The following MFSD6 variants were observed in gnomAD, a reference collection of about 807,000 sequenced individuals.
MFSD6 encodes the protein major facilitator superfamily domain-containing protein 6.
In MFSD6, 26 loss-of-function variants were observed where a neutral mutation model predicts 56.3. The observed-to-expected ratio is 0.46, with a 90% CI of 0.34 to 0.64. MFSD6 has a LOEUF of 0.64. Among genes scored for constraint, MFSD6 ranks in the 30% least tolerant of loss-of-function variants. The pLI, the probability that MFSD6 is intolerant of heterozygous loss-of-function variation, is 0.01. For missense variants in MFSD6, 750 were observed against 986.2 expected (o/e 0.76, Z 3.21); for synonymous variants, 331 against 366.9 (o/e 0.90, Z 1.12).
In MFSD6 at chr2:190,469,250, G is replaced by A. The variant is rs1057329597; in HGVS notation, c.1533-508G>A. Among the ~76,000 whole-genome samples the A allele has an allele frequency of 6.6e-6, 1 of 152,070 alleles. No homozygotes were observed. The highest frequency in any genetic ancestry group is 6.6e-5 in the Admixed American group (1 of 15,264). On this transcript the variant is annotated intron_variant, in intron 3 of 7. Coordinates refer to ENST00000392328, the MANE Select transcript of MFSD6 (RefSeq NM_017694.4). This position sits in a 1 kb window ranked among gnomAD's most constrained non-coding sequence, Gnocchi z 5.3. ...GAATGATAGTTTTCAATGACCTTCA[G>A]AGTCTCCTTGTGAAACTGCTTGGTA...
In MFSD6 at chr2:190,494,968, C is replaced by A. The variant is rs1282160644; in HGVS notation, c.1892-2471C>A. Among the ~76,000 whole-genome samples the A allele has an allele frequency of 6.6e-6, 1 of 152,172 alleles. No individual in the cohort carries two copies. Among genetic ancestry groups the A allele is most frequent in the African/African-American group, 2.4e-5 (1 of 41,446 alleles). ...ACAAGGATGCCCACTCTCACCACTT[C>A]TATTCAACATAGTACTGGAAGTCCT... On this transcript the variant is annotated intron_variant, in intron 6 of 7. Coordinates refer to ENST00000392328, the MANE Select transcript of MFSD6 (RefSeq NM_017694.4). This position sits in a 1 kb window ranked among gnomAD's most constrained non-coding sequence, Gnocchi z 5.7.
In MFSD6 at chr2:190,434,273, G is replaced by A. The variant is rs1290158720; in HGVS notation, c.-53-1704G>A. Among the ~76,000 whole-genome samples, 1 of 151,826 alleles carries A rather than the reference G, an allele frequency of 6.6e-6. No individual in the cohort carries two copies. The highest frequency in any genetic ancestry group is 2.4e-5 in the African/African-American group (1 of 41,322). Reference sequence around the variant, plus strand: ...TTCCTACCATCAGAATCTGTTCATTGGAACAACATAATTCTTGATGCACAC... The same window carrying A: ...TTCCTACCATCAGAATCTGTTCATTAGAACAACATAATTCTTGATGCACAC... On this transcript the variant is annotated intron_variant, in intron 2 of 7. Coordinates refer to ENST00000392328, the MANE Select transcript of MFSD6 (RefSeq NM_017694.4). This position sits in a 1 kb window ranked among gnomAD's most constrained non-coding sequence, Gnocchi z 4.3.
intron 2 of MFSD6, among the ~76,000 whole-genome samples, chr2:190,429,489 C>G (rs1685894186): frequency 6.6e-6 from 1 of 151,942 alleles, no homozygotes; most frequent in Non-Finnish European, 1.5e-5. Flanking sequence ...CCATGCCCAG[C>G]TAATTTTTGT....
chr2:190,479,499 T>G (rs747567558), intron 4 of MFSD6, among the ~76,000 whole-genome samples: 2 of 152,204 alleles, frequency 1.3e-5, no homozygotes, highest in Non-Finnish European at 2.9e-5. Context: ...AATTTTCTCC[T>G]TTTGTTTTGT....
At chr2:190,483,404 C>G (rs1389150507) in intron 4 of MFSD6, among the ~76,000 whole-genome samples, 5 of 152,142 alleles carry the variant, frequency 3.3e-5, no homozygotes, top group South Asian at 2.1e-4. Context: ...CTGGACAAGG[C>G]ATCTAATATC....
In MFSD6 at chr2:190,491,514, G is replaced by A. The variant is rs1455710858; in HGVS notation, c.1891+1648G>A. Among the ~76,000 whole-genome samples, 3 of 152,172 alleles carry A rather than the reference G, an allele frequency of 2.0e-5. No individual in the cohort carries two copies. The highest frequency in any genetic ancestry group is 7.2e-5 in the African/African-American group (3 of 41,440). On this transcript the variant is annotated intron_variant, in intron 6 of 7. Transcript: ENST00000392328. The surrounding 1 kb of genome is among the most constrained non-coding windows in gnomAD (Gnocchi z 4.2). Reference sequence around the variant, plus strand: ...ATGCAGACAACCCCAGTACCAGCCTGGAGCCTGGTAGCCCTGCTGGGTGGG... The same window carrying A: ...ATGCAGACAACCCCAGTACCAGCCTAGAGCCTGGTAGCCCTGCTGGGTGGG...
chr2:190,446,762 T>TC (rs1686599864), intron 3 of MFSD6, among the ~76,000 whole-genome samples: 1 of 152,194 alleles, frequency 6.6e-6, no homozygotes, highest in African/African-American at 2.4e-5. Flanking sequence ...CTGGTGGGAA[T>TC]ACAAGAGATG....
Position 190,489,966 on chromosome 2 carries a change from G to T in MFSD6, c.1891+100G>T. 3.1e-6 allele frequency: 3 copies of T among 964,294 alleles called. No individual in the cohort carries two copies. Among genetic ancestry groups the T allele is most frequent in the South Asian group, 1.9e-5 (1 of 53,516 alleles). 59.7% of individuals were successfully genotyped at this position (964,294 alleles called of 1,614,324 possible). ...TAGAAGTGGTACAGAGTATACAACAGGTCTGTTTGGCTCAATTTTCTGAGT... is the reference window on the plus strand; with the variant it reads ...TAGAAGTGGTACAGAGTATACAACATGTCTGTTTGGCTCAATTTTCTGAGT... On this transcript the variant is annotated intron_variant, in intron 6 of 7. Transcript: ENST00000392328. This position sits in a 1 kb window ranked among gnomAD's most constrained non-coding sequence, Gnocchi z 6.6.
At chr2:190,486,111 G>C (rs1334699556) in intron 4 of MFSD6, among the ~76,000 whole-genome samples, 1 of 152,232 alleles carries the variant, frequency 6.6e-6, no homozygotes, top group East Asian at 1.9e-4. Context: ...TTGCTTTTAA[G>C]ATTATGTAGA....
rs919739276 is a variant in MFSD6, at chr2:190,501,154, T to G, written c.*936T>G. The G allele has an allele frequency of 2.0e-5, 3 of 152,222 alleles. No homozygotes were observed. The highest frequency in any genetic ancestry group is 7.2e-5 in the African/African-American group (3 of 41,458). 9.4% of individuals were successfully genotyped at this position (152,222 alleles called of 1,614,324 possible). On this transcript the variant is annotated 3_prime_UTR_variant, in exon 8 of 8. Transcript: ENST00000392328. ...AGTTCCTTAAATAAGCAGTACTAGT[T>G]ACAAATCACAGTATAAGATTTAAGT...
intron 4 of MFSD6, among the ~76,000 whole-genome samples, chr2:190,474,968 C>A (rs1286690444): frequency 1.3e-5 from 2 of 152,230 alleles, no homozygotes; most frequent in Non-Finnish European, 2.9e-5. Flanking sequence ...ACAAAAATCA[C>A]ATGATTATCT....
chr2:190,471,474 C>G lies in MFSD6; in HGVS notation c.1630+1619C>G, dbSNP rs575442040. Among the ~76,000 whole-genome samples the G allele has an allele frequency of 5.9e-5, 9 of 152,326 alleles. No homozygotes were observed. Among genetic ancestry groups the G allele is most frequent in the Non-Finnish European group, 1.3e-4 (9 of 68,036 alleles). On this transcript the variant is annotated intron_variant, in intron 4 of 7. Coordinates refer to ENST00000392328, the MANE Select transcript of MFSD6 (RefSeq NM_017694.4). This position sits in a 1 kb window ranked among gnomAD's most constrained non-coding sequence, Gnocchi z 4.7. ...CACCTGGCTTGGAGGGTCCTACGCC[C>G]ACGGAGCCTCCCTCATTGCTAGCAC...
rs1689236271 is a variant in MFSD6, at chr2:190,489,929, C to CA, written c.1891+63_1891+64insA. The CA allele has an allele frequency of 1.2e-5, 16 of 1,331,822 alleles. No homozygotes were observed. Among genetic ancestry groups the CA allele is most frequent in the African/African-American group, 4.1e-5 (2 of 48,658 alleles). 82.5% of individuals were successfully genotyped at this position (1,331,822 alleles called of 1,614,324 possible). ...TCAGGCCATGGGAAGTCAACAAATG[C>CA]CCCGAGAAGCCTAGAAGTGGTACAG... On this transcript the variant is annotated intron_variant, in intron 6 of 7. Transcript: ENST00000392328. This position sits in a 1 kb window ranked among gnomAD's most constrained non-coding sequence, Gnocchi z 6.6.
intron 2 of MFSD6, among the ~76,000 whole-genome samples, chr2:190,421,604 G>A (rs1190455467): frequency 2.0e-5 from 3 of 151,978 alleles, no homozygotes; most frequent in Non-Finnish European, 4.4e-5. Flanking sequence ...ATTTATTTGA[G>A]ACAGTTCTCA....
chr2:190,414,727 A>G (rs1346466458), intron 1 of MFSD6, among the ~76,000 whole-genome samples: 4 of 152,230 alleles, frequency 2.6e-5, no homozygotes, highest in Admixed American at 1.3e-4. Flanking sequence ...CTTTTTAAAT[A>G]TGTATTTTTA....
rs1405943841 is a variant in MFSD6, at chr2:190,471,103, A to AG, written c.1630+1250dup. ...CAGTTTTGTGTCATTTAAGAATAAC[A>AG]GGAGGGTGGAGCCAAGATGGCCGAA... On this transcript the variant is annotated intron_variant, in intron 4 of 7. Transcript: ENST00000392328. The surrounding 1 kb of genome is among the most constrained non-coding windows in gnomAD (Gnocchi z 4.7). Among the ~76,000 whole-genome samples, 2 of 152,166 alleles carry AG rather than the reference A, an allele frequency of 1.3e-5. No individual in the cohort carries two copies. The highest frequency in any genetic ancestry group is 1.5e-5 in the Non-Finnish European group (1 of 68,014).
At chr2:190,470,129 A>G (rs1242696950) in intron 4 of MFSD6, among the ~76,000 whole-genome samples, 1 of 152,246 alleles carries the variant, frequency 6.6e-6, no homozygotes, top group Non-Finnish European at 1.5e-5. Flanking sequence ...TCCTGTGCAC[A>G]ACTATTAGAC....
Position 190,458,044 on chromosome 2 carries a change from C to T in MFSD6, c.1533-11714C>T, listed in dbSNP as rs927273339. Among the ~76,000 whole-genome samples the T allele has an allele frequency of 2.0e-5, 3 of 152,124 alleles. No homozygotes were observed. Among genetic ancestry groups the T allele is most frequent in the Admixed American group, 6.5e-5 (1 of 15,284 alleles). ...CAGCCTCACTCTGACTGTTGAGGCC[C>T]GAGGAAGCTGCCAGCGGTGTCACAC... On this transcript the variant is annotated intron_variant, in intron 3 of 7. Transcript: ENST00000392328. The surrounding 1 kb of genome is among the most constrained non-coding windows in gnomAD (Gnocchi z 5.3).
Position 190,465,030 on chromosome 2 carries a change from T to C in MFSD6, c.1533-4728T>C, listed in dbSNP as rs1386103469. On this transcript the variant is annotated intron_variant, in intron 3 of 7. Transcript: ENST00000392328. This position sits in a 1 kb window ranked among gnomAD's most constrained non-coding sequence, Gnocchi z 4.6. ...ACTCATAATTCATTGTATCTATATC[T>C]TGAACACTCTTGAAAAAAATACCAG... is the stretch of plus-strand genomic sequence containing the variant. 2.0e-6 allele frequency: 1 copy of C among 502,700 alleles called. No individual in the cohort carries two copies. Among genetic ancestry groups the C allele is most frequent in the African/African-American group, 2.1e-5 (1 of 48,310 alleles). 31.1% of individuals were successfully genotyped at this position (502,700 alleles called of 1,614,324 possible). A position where few individuals can be genotyped will look rare whatever the true frequency, so the allele number is the denominator to read the frequency against.
Sources: allele counts gnomAD v4.1 joint callset (sites outside exome capture counted in the v4.1 genomes callset), GRCh38; gene constraint gnomAD v4.1.1; non-coding constraint Gnocchi (gnomAD v3.1); transcripts MANE v1.5; gene names NCBI Gene and HGNC (gene_info 2026-07-23, HGNC 2026-07-21).